RAI1: variants seen among roughly 807,000 people sequenced by gnomAD.
RAI1 encodes the protein retinoic acid-induced protein 1.
Under a neutral mutation model 123.8 loss-of-function variants are expected in RAI1, and 9 were observed. The observed-to-expected ratio is 0.07, with a 90% CI of 0.04 to 0.13. The LOEUF is 0.13. RAI1 is among the 10% of genes least tolerant of loss of function. The pLI is 1.00. For synonymous variants in RAI1, 1,231 were observed against 1,127.3 expected (o/e 1.09, Z -1.84); for missense variants, 2,256 against 2,545.8 (o/e 0.89, Z 2.45).
intron 1 of RAI1, among the ~76,000 whole-genome samples, chr17:17,708,399 C>G (rs1032903956): frequency 2.1e-5 from 3 of 141,442 alleles, no homozygotes; most frequent in African/African-American, 8.2e-5. Flanking sequence ...CCTCTCTTCT[C>G]ATATATATAT....
chr17:17,684,700 A>ATG (rs1328440822), intron 1 of RAI1: 74 of 125,540 alleles, frequency 5.9e-4, no homozygotes, highest in African/African-American at 8.8e-4. Context: ...ATATATATAT[A>ATG]TATATATGTA....
chr17:17,805,872 T>C (rs1478517395), intron 4 of RAI1, among the ~76,000 whole-genome samples: 1 of 151,950 alleles, frequency 6.6e-6, no homozygotes, highest in Non-Finnish European at 1.5e-5. Flanking sequence ...CCACAGTGAT[T>C]AACTTAGCGC....
At chr17:17,726,279 G>A (rs1916087163) in intron 2 of RAI1, among the ~76,000 whole-genome samples, 2 of 152,194 alleles carry the variant, frequency 1.3e-5, no homozygotes, top group Admixed American at 6.5e-5. Flanking sequence ...GCAAGGCTTT[G>A]CCCTGCTCCC....
chr17:17,681,909 A>AGC lies in RAI1; in HGVS notation c.-149+125_-149+126dup, dbSNP rs533745217. ...TGAGCCGAGGCGGGTTCGGACGCCG[A>AGC]GCGCGCGCGCTGGGTGGAGATGTGG... On this transcript the variant is annotated intron_variant, in intron 1 of 5. Coordinates refer to ENST00000353383, the MANE Select transcript of RAI1 (RefSeq NM_030665.4). The AGC allele has an allele frequency of 6.0e-3, 1,319 of 219,270 alleles. 13 individuals are homozygous for AGC. Among genetic ancestry groups the AGC allele is most frequent in the African/African-American group, 0.03 (1,210 of 40,712 alleles). The allele number at this position is 219,270 out of a possible 1,614,324, so 13.6% of individuals were successfully genotyped here.
rs2032156699 is a variant in RAI1, at chr17:17,794,538, C to A, written c.1590C>A (p.Leu530=). 1 of 1,612,976 alleles carries A rather than the reference C, an allele frequency of 6.2e-7. No individual in the cohort carries two copies. Among genetic ancestry groups the A allele is most frequent in the Admixed American group, 1.7e-5 (1 of 59,998 alleles). ...GSEDPLERSF[L]YCNQARGSPA... ...AGGACCCACTGGAGCGCAGCTTCCT[C>A]TACTGCAACCAGGCCCGTGGCAGCC... Residue 530 remains leucine, a synonymous_variant, in exon 3 of 6, where the codon CTC becomes CTA. Transcript: ENST00000353383.
At position 17,796,784 on chromosome 17, in the gene RAI1, C is replaced by G; in HGVS notation, c.3836C>G (p.Ala1279Gly). Residue 1279 changes from alanine (A) to glycine (G), a missense_variant, in exon 3 of 6, where the codon GCC becomes GGC. Coordinates refer to ENST00000353383, the MANE Select transcript of RAI1 (RefSeq NM_030665.4). This position sits in a 1 kb window ranked among gnomAD's most constrained non-coding sequence, Gnocchi z 5.8. The stretch of plus-strand genomic sequence containing the variant: ...AAGAGGATGTCTTCTCCCAAGAAAG[C>G]CAAGCCCACCAAGGGCAATGGCGAG... ...LFKRMSSPKKAKPTKGNGEPA... is the reference protein window; with the variant it reads ...LFKRMSSPKKGKPTKGNGEPA... 1 of 1,612,894 alleles carries G rather than the reference C, an allele frequency of 6.2e-7. No homozygotes were observed. Among genetic ancestry groups the G allele is most frequent in the African/African-American group, 1.3e-5 (1 of 75,038 alleles).
rs542081110 is a variant in RAI1 at position 17,728,529 on chromosome 17, C to T, written c.-17+4370C>T. Among the ~76,000 whole-genome samples, 11 of 152,174 alleles carry T rather than the reference C, an allele frequency of 7.2e-5. 1 individual carries two copies. The highest frequency in any genetic ancestry group is 2.7e-4 in the African/African-American group (11 of 41,438). On this transcript the variant is annotated intron_variant, in intron 2 of 5. Transcript: ENST00000353383. ...GGCATAGCCAGGTGGAGCCACAGCC[C>T]ACGGAGGGGAGCACAGGCTGGGGGA... is the stretch of plus-strand genomic sequence containing the variant.
At chr17:17,737,528 T>TC (rs1460568677) in intron 2 of RAI1, among the ~76,000 whole-genome samples, 1 of 152,180 alleles carries the variant, frequency 6.6e-6, no homozygotes, top group Non-Finnish European at 1.5e-5. Flanking sequence ...CCTGGCAGCC[T>TC]CTAGGCTCAC....
At chr17:17,702,080 G>A (rs996814360) in intron 1 of RAI1, among the ~76,000 whole-genome samples, 2 of 152,268 alleles carry the variant, frequency 1.3e-5, no homozygotes, top group Non-Finnish European at 1.5e-5. Context: ...GGAAGGATAA[G>A]TGTGAGCTAA....
At chr17:17,778,936 AAG>A in intron 2 of RAI1, 2 of 456,926 alleles carry the variant, frequency 4.4e-6, no homozygotes, top group South Asian at 3.1e-5. Context: ...GGGGCCTGGG[AAG>A]AGGGGCCAGT....
At chr17:17,789,901 G>A (rs1322966444) in intron 2 of RAI1, among the ~76,000 whole-genome samples, 5 of 152,070 alleles carry the variant, frequency 3.3e-5, no homozygotes, top group Non-Finnish European at 4.4e-5. Context: ...GGTGGGGGGT[G>A]CCCTCCCTTG....
Position 17,801,769 on chromosome 17 carries a change from A to C in RAI1, c.5566-1987A>C, listed in dbSNP as rs939413506. ...TTGGGATGGTGCGCCCACCCTGAGC[A>C]TGTGGGGTCCTGTGGGCCCCTACTC... On this transcript the variant is annotated intron_variant, in intron 3 of 5. Transcript: ENST00000353383. This position sits in a 1 kb window ranked among gnomAD's most constrained non-coding sequence, Gnocchi z 4.1. Among the ~76,000 whole-genome samples the C allele has an allele frequency of 1.3e-5, 2 of 152,170 alleles. No individual in the cohort carries two copies. The highest frequency in any genetic ancestry group is 2.9e-5 in the Non-Finnish European group (2 of 68,026).
At chr17:17,694,003 T>C (rs1914925953) in intron 1 of RAI1, among the ~76,000 whole-genome samples, 1 of 152,240 alleles carries the variant, frequency 6.6e-6, no homozygotes, top group Admixed American at 6.5e-5. Context: ...CACGTAGGAC[T>C]CGCTGGCTTA....
chr17:17,751,991 G>C (rs2030194584), intron 2 of RAI1, among the ~76,000 whole-genome samples: 1 of 152,170 alleles, frequency 6.6e-6, no homozygotes, highest in Non-Finnish European at 1.5e-5. Flanking sequence ...ATCTCTTATA[G>C]TGGTGGATCT....
intron 2 of RAI1, among the ~76,000 whole-genome samples, chr17:17,739,316 G>A (rs1916539035): frequency 6.6e-6 from 1 of 152,176 alleles, no homozygotes; most frequent in South Asian, 2.1e-4. Context: ...GGAAGACAGA[G>A]ATGGCTGGAC....
intron 2 of RAI1, among the ~76,000 whole-genome samples, chr17:17,744,789 CAAAA>C (rs58984430): frequency 1.3e-4 from 6 of 46,804 alleles, no homozygotes; most frequent in South Asian, 1.8e-3. Flanking sequence ...GACTCCGTCT[CAAAA>C]AAAAAAAAAA....
chr17:17,772,737 G>GGTATGAC (rs2031203781), intron 2 of RAI1, among the ~76,000 whole-genome samples: 1 of 152,186 alleles, frequency 6.6e-6, no homozygotes, highest in African/African-American at 2.4e-5. Context: ...TTCCCACTCA[G>GGTATGAC]GTATGACGTA....
rs141865534 is a variant in RAI1, at chr17:17,701,619, G to A, written c.-149+19826G>A. On this transcript the variant is annotated intron_variant, in intron 1 of 5. Transcript: ENST00000353383. ...CCTCTTTTTTCTTTCTTTGAAGACC[G>A]CATCTTGCTTTGTTGCCCAGGCTGG... is the stretch of plus-strand genomic sequence containing the variant. Among the ~76,000 whole-genome samples the A allele has an allele frequency of 5.9e-3, 894 of 151,846 alleles. 4 individuals are homozygous for A. The highest frequency in any genetic ancestry group is 0.01 in the Middle Eastern group (3 of 294).
At position 17,801,627 on chromosome 17, in the gene RAI1, C is replaced by T. The variant is rs149246979; in HGVS notation, c.5566-2129C>T. ...CTCCAGGAGGCCATCCCAGACTAGGCGGGAAGGAGGCCTCAGCCCTGAGCT... is the reference window on the plus strand; with the variant it reads ...CTCCAGGAGGCCATCCCAGACTAGGTGGGAAGGAGGCCTCAGCCCTGAGCT... On this transcript the variant is annotated intron_variant, in intron 3 of 5. Transcript: ENST00000353383. The surrounding 1 kb of genome is among the most constrained non-coding windows in gnomAD (Gnocchi z 4.1). Among the ~76,000 whole-genome samples, 17 of 152,302 alleles carry T rather than the reference C, an allele frequency of 1.1e-4. No homozygotes were observed. Among genetic ancestry groups the T allele is most frequent in the African/African-American group, 1.7e-4 (7 of 41,570 alleles).
Sources: gnomAD v4.1 joint callset for allele counts (sites outside exome capture counted in the v4.1 genomes callset) on GRCh38, gnomAD v4.1.1 for gene constraint, Gnocchi (gnomAD v3.1) non-coding constraint, MANE v1.5 for transcripts, NCBI Gene and HGNC (gene_info 2026-07-23, HGNC 2026-07-21) for gene names.